TGFBI: variants seen among roughly 807,000 people sequenced by gnomAD.
TGFBI encodes the protein transforming growth factor beta induced, also known as transforming growth factor-beta-induced protein ig-h3.
A neutral mutation model predicts 73.7 loss-of-function variants in TGFBI; 50 were observed. The ratio of observed to expected loss-of-function variants is 0.68; its 90% CI spans 0.54 to 0.86. TGFBI has a LOEUF of 0.86. TGFBI is among the 40% of genes least tolerant of loss of function. The probability of loss-of-function intolerance (pLI) is 0.00; values close to 1 mark genes in which losing one functional copy is unlikely to be tolerated. For synonymous variants in TGFBI, 362 were observed against 360.5 expected (o/e 1.00, Z -0.05); for missense variants, 839 against 877.0 (o/e 0.96, Z 0.55).
At chr5:136,035,486 G>C (rs754305990) in intron 2 of TGFBI, among the ~76,000 whole-genome samples, 1 of 151,868 alleles carries the variant, frequency 6.6e-6, no homozygotes, top group Non-Finnish European at 1.5e-5. Context: ...ATTAGCGGGC[G>C]TGGTGGCGGG....
chr5:136,046,921 G>A lies in TGFBI; in HGVS notation c.530G>A (p.Gly177Asp), dbSNP rs1751439955. 1 of 1,613,610 alleles carries A rather than the reference G, an allele frequency of 6.2e-7. No homozygotes were observed. The highest frequency in any genetic ancestry group is 8.5e-7 in the Non-Finnish European group (1 of 1,179,840). Reference sequence around the variant, plus strand: ...AATGCCCTCCGCTACCATATGGTGGGCAGGCGAGTCCTGACTGATGAGCTG... The same window carrying A: ...AATGCCCTCCGCTACCATATGGTGGACAGGCGAGTCCTGACTGATGAGCTG... ...LLNALRYHMV[G>D]RRVLTDELKH... The change falls in exon 5 of 17, where the codon GGC becomes GAC. Residue 177 changes from glycine to aspartate, a missense_variant. Gly to Asp is a moderately conservative substitution (Grantham distance 94). Coordinates refer to ENST00000442011, the MANE Select transcript of TGFBI (RefSeq NM_000358.3).
At chr5:136,040,479 G>A (rs1307812535) in intron 2 of TGFBI, among the ~76,000 whole-genome samples, 1 of 152,168 alleles carries the variant, frequency 6.6e-6, no homozygotes, top group Non-Finnish European at 1.5e-5. Flanking sequence ...TCTAGCTTGT[G>A]CATTCCTTAT....
intron 1 of TGFBI, among the ~76,000 whole-genome samples, chr5:136,032,814 A>G (rs997423139): frequency 3.3e-5 from 5 of 152,062 alleles, no homozygotes; most frequent in African/African-American, 7.2e-5. Context: ...AGCTTTCACA[A>G]TCACCTGGCC....
chr5:136,032,561 T>C (rs1751139147), intron 1 of TGFBI, among the ~76,000 whole-genome samples: 1 of 152,250 alleles, frequency 6.6e-6, no homozygotes, highest in South Asian at 2.1e-4. Context: ...ATTCTTAAAG[T>C]AACAGGGAAA....
At chr5:136,035,535 G>A (rs1432696167) in intron 2 of TGFBI, among the ~76,000 whole-genome samples, 5 of 150,030 alleles carry the variant, frequency 3.3e-5, no homozygotes, top group Non-Finnish European at 7.4e-5. Flanking sequence ...TGAGGCAGGA[G>A]AATGGCGTGA....
intron 3 of TGFBI, 58 bp from the exon 4 acceptor site, chr5:136,046,277 G>A (rs1751424273): frequency 6.3e-7 from 1 of 1,597,544 alleles, no homozygotes; most frequent in Non-Finnish European, 8.6e-7. Context: ...GAGAAGGGAG[G>A]GTGTGGTTGG....
At chr5:136,047,185 GTGTTTGAAAACAC>G in intron 5 of TGFBI, 76 bp from the exon 6 acceptor site, 1 of 1,571,524 alleles carries the variant, frequency 6.4e-7, no homozygotes, top group Non-Finnish European at 8.6e-7. Context: ...TTTTGCTACT[GTGTTTGAAAACAC>G]TGTTTTCTCC....
intron 12 of TGFBI, 104 bp downstream of exon 12, chr5:136,056,899 T>C: frequency 7.2e-7 from 1 of 1,391,178 alleles, no homozygotes; most frequent in Non-Finnish European, 9.7e-7. Flanking sequence ...TGAAGGGATT[T>C]TATGACAAGA....
intron 2 of TGFBI, among the ~76,000 whole-genome samples, chr5:136,043,423 C>T (rs45502497): frequency 0.02 from 3,041 of 152,236 alleles, 105 homozygotes; most frequent in African/African-American, 0.07. Context: ...TAAGTATCTT[C>T]GTAAGAGGAG....
chr5:136,047,052 G>A (rs1580714779), intron 5 of TGFBI, 37 bp downstream of exon 5: 8 of 1,604,148 alleles, frequency 5.0e-6, no homozygotes, highest in African/African-American at 1.3e-5. Flanking sequence ...GGCCCTTGGT[G>A]CATAATGAAC....
In TGFBI at chr5:136,046,312, CCTT is replaced by C. The variant is rs767388381; in HGVS notation, c.299-20_299-18del. On this transcript the variant is annotated intron_variant, in intron 3 of 16. Transcript: ENST00000442011. The stretch of plus-strand genomic sequence containing the variant: ...GGCTGGACCCCCAGAGGCCATCCCT[CCTT>C]CTGTCTTCTGCTCCTGCAGCCCTAC... 4 of 1,613,758 alleles carry C rather than the reference CCTT, an allele frequency of 2.5e-6. No homozygotes were observed. Among genetic ancestry groups the C allele is most frequent in the East Asian group, 2.2e-5 (1 of 44,888 alleles).
chr5:136,029,844 C>T (rs532065491), intron 1 of TGFBI, among the ~76,000 whole-genome samples: 1 of 152,324 alleles, frequency 6.6e-6, no homozygotes, highest in African/African-American at 2.4e-5. Context: ...GTTCCACTTT[C>T]CCACAGTCCT....
At chr5:136,035,318 AC>A (rs1212429149) in intron 2 of TGFBI, among the ~76,000 whole-genome samples, 1 of 152,204 alleles carries the variant, frequency 6.6e-6, no homozygotes, top group African/African-American at 2.4e-5. Flanking sequence ...AGGATGCCTG[AC>A]TTAAAAAATA....
rs546982793 is a variant in TGFBI, at chr5:136,058,066, G to A, written c.1679-1024G>A. ...GAGAGTGTTAGAGGTTGGTACAGGT[G>A]TTAGAGATATTGAAAGGACATCCCA... On this transcript the variant is annotated intron_variant, in intron 12 of 16. Transcript: ENST00000442011. 1.1e-4 allele frequency among the ~76,000 whole-genome samples: 16 copies of A among 152,240 alleles called. No individual in the cohort carries two copies. The South Asian group carries it at 2.9e-3, about 28-fold the overall frequency.
At position 136,055,827 on chromosome 5, in the gene TGFBI, C is replaced by G; in HGVS notation, c.1547+11C>G. Reference sequence around the variant, plus strand: ...AGACAATCGCTTTAGGTAATTAGTTCCATCCCCGGGTGGAGCTTCTGCCCA... The same window carrying G: ...AGACAATCGCTTTAGGTAATTAGTTGCATCCCCGGGTGGAGCTTCTGCCCA... On this transcript the variant is annotated intron_variant, in intron 11 of 16. Coordinates refer to ENST00000442011, the MANE Select transcript of TGFBI (RefSeq NM_000358.3). 1 of 1,595,008 alleles carries G rather than the reference C, an allele frequency of 6.3e-7. No homozygotes were observed.
intron 2 of TGFBI, among the ~76,000 whole-genome samples, chr5:136,043,202 G>A (rs1437349325): frequency 6.6e-6 from 1 of 152,190 alleles, no homozygotes; most frequent in Non-Finnish European, 1.5e-5. Flanking sequence ...TTGGTTTTAA[G>A]CAAGTCTTTC....
intron 12 of TGFBI, among the ~76,000 whole-genome samples, chr5:136,057,129 G>A (rs541987912): frequency 6.6e-6 from 1 of 152,276 alleles, no homozygotes; most frequent in African/African-American, 2.4e-5. Flanking sequence ...GGACCACTCA[G>A]CGCCCCAGCC....
At chr5:136,054,888 C>A (rs1467483969) in intron 10 of TGFBI, 27 bp downstream of exon 10, 16 of 1,609,000 alleles carry the variant, frequency 9.9e-6, no homozygotes, top group Non-Finnish European at 1.3e-5. Flanking sequence ...AAATCATGCT[C>A]CTGGGAAGCT....
chr5:136,042,953 C>T (rs561340629), intron 2 of TGFBI, among the ~76,000 whole-genome samples: 13 of 152,318 alleles, frequency 8.5e-5, no homozygotes, highest in African/African-American at 2.4e-4. Context: ...TTCTTCCAGT[C>T]GGCCTGTTTC....
Sources: allele counts gnomAD v4.1 joint callset (sites outside exome capture counted in the v4.1 genomes callset), GRCh38; gene constraint gnomAD v4.1.1; transcripts MANE v1.5; gene names NCBI Gene and HGNC (gene_info 2026-07-23, HGNC 2026-07-21).